ITPR2: variants seen among roughly 807,000 people sequenced by gnomAD.
The protein encoded by ITPR2 is inositol 1,4,5-trisphosphate-gated calcium channel ITPR2.
Under a neutral mutation model 317.1 loss-of-function variants are expected in ITPR2, and 207 were observed. The observed-to-expected ratio is 0.65, with a 90% CI of 0.58 to 0.73. The LOEUF (loss-of-function observed/expected upper bound fraction) is 0.73, where lower values mean the gene tolerates loss of function less well. Among genes scored for constraint, ITPR2 ranks in the 30% least tolerant of loss-of-function variants. The probability of loss-of-function intolerance (pLI) is 0.00; values close to 1 mark genes in which losing one functional copy is unlikely to be tolerated. For synonymous variants in ITPR2, 1,156 were observed against 1,149.1 expected (o/e 1.01, Z -0.12); for missense variants, 2,613 against 3,284.0 (o/e 0.80, Z 4.99).
intron 45 of ITPR2, among the ~76,000 whole-genome samples, chr12:26,457,971 T>C (rs976750194): frequency 6.6e-6 from 1 of 152,030 alleles, no homozygotes; most frequent in Non-Finnish European, 1.5e-5. Flanking sequence ...AAAATAAGAG[T>C]AACCAGGAGC....
intron 51 of ITPR2, among the ~76,000 whole-genome samples, chr12:26,413,188 C>T (rs76654361): frequency 0.04 from 6,069 of 152,314 alleles, 360 homozygotes; most frequent in African/African-American, 0.14. Flanking sequence ...GTGGCAGCTA[C>T]TTCATCTATC....
rs188563140 is a variant in ITPR2 at position 26,537,660 on chromosome 12, A to G, written c.5073+12587T>C. On this transcript the variant is annotated intron_variant, in intron 37 of 56. Transcript: ENST00000381340. ...CCTCATTTAAATTATTTTGTGCCAC[A>G]GACTCATTTTATCAAGCTGCCATGC... Among the ~76,000 whole-genome samples, 188 of 152,314 alleles carry G rather than the reference A, an allele frequency of 1.2e-3. 1 individual carries two copies. The highest frequency in any genetic ancestry group is 4.4e-3 in the African/African-American group (185 of 41,576).
intron 35 of ITPR2, among the ~76,000 whole-genome samples, chr12:26,561,141 C>T (rs1445384110): frequency 6.6e-6 from 1 of 152,160 alleles, no homozygotes; most frequent in African/African-American, 2.4e-5. Context: ...CAGACATGTG[C>T]AAACACAGAG....
intron 45 of ITPR2, among the ~76,000 whole-genome samples, chr12:26,448,405 T>C (rs1313474602): frequency 6.6e-6 from 1 of 152,114 alleles, no homozygotes; most frequent in Admixed American, 6.6e-5. Context: ...AATACTTGTA[T>C]TCCACAACAA....
At chr12:26,379,868 C>T (rs753386828) in intron 55 of ITPR2, among the ~76,000 whole-genome samples, 1 of 152,206 alleles carries the variant, frequency 6.6e-6, no homozygotes, top group African/African-American at 2.4e-5. Flanking sequence ...TTCATATGCT[C>T]AGGTTTGTTC....
intron 37 of ITPR2, among the ~76,000 whole-genome samples, chr12:26,517,775 T>C (rs1447356554): frequency 6.6e-6 from 1 of 152,156 alleles, no homozygotes; most frequent in Non-Finnish European, 1.5e-5. Flanking sequence ...GAGGCAGAGA[T>C]TGCAGTGAGT....
At chr12:26,682,781 A>G (rs1486599089) in intron 11 of ITPR2, 108 bp from the exon 12 acceptor site, 2 of 649,150 alleles carry the variant, frequency 3.1e-6, no homozygotes, top group Non-Finnish European at 5.3e-6. Flanking sequence ...CATATTAACT[A>G]GTAATTGACT....
At chr12:26,732,152 G>A (rs1333769794) in intron 2 of ITPR2, among the ~76,000 whole-genome samples, 3 of 152,112 alleles carry the variant, frequency 2.0e-5, no homozygotes, top group African/African-American at 7.2e-5. Flanking sequence ...CACAACACAT[G>A]GGTTAGCAAC....
At chr12:26,447,920 G>A (rs561488084) in intron 45 of ITPR2, among the ~76,000 whole-genome samples, 14 of 150,876 alleles carry the variant, frequency 9.3e-5, no homozygotes, top group Non-Finnish European at 1.9e-4. Context: ...AAAGATATTC[G>A]ATTGTCTTAG....
At chr12:26,689,936 T>C (rs1332694415) in intron 10 of ITPR2, among the ~76,000 whole-genome samples, 1 of 152,132 alleles carries the variant, frequency 6.6e-6, no homozygotes, top group African/African-American at 2.4e-5. Context: ...TGGGGAGAAA[T>C]AGACCAGGAG....
chr12:26,616,113 A>AATTT (rs34664795), intron 26 of ITPR2, among the ~76,000 whole-genome samples: 52,571 of 150,690 alleles, frequency 0.35, 10,181 homozygotes, highest in African/African-American at 0.53. Flanking sequence ...TGCATGTGGA[A>AATTT]ATTTATTTAT....
chr12:26,358,053 G>A (rs1209407078), intron 55 of ITPR2, among the ~76,000 whole-genome samples: 1 of 152,208 alleles, frequency 6.6e-6, no homozygotes, highest in Non-Finnish European at 1.5e-5. Flanking sequence ...ATATGATCAT[G>A]CAAGGCAGAA....
intron 34 of ITPR2, among the ~76,000 whole-genome samples, chr12:26,562,269 CATAA>C (rs1293740437): frequency 7.9e-5 from 12 of 152,160 alleles, no homozygotes; most frequent in Non-Finnish European, 1.6e-4. Flanking sequence ...CAGATGCCAA[CATAA>C]ATAAGAAAGC....
chr12:26,345,584 G>A (rs1328875350), intron 55 of ITPR2, among the ~76,000 whole-genome samples: 2 of 152,218 alleles, frequency 1.3e-5, no homozygotes, highest in Non-Finnish European at 2.9e-5. Flanking sequence ...AAGCCATGGA[G>A]AAGGGGGATT....
At position 26,600,059 on chromosome 12, in the gene ITPR2, C is replaced by T. The variant is rs768935076; in HGVS notation, c.3729G>A (p.Gln1243=). 1.9e-6 allele frequency: 3 copies of T among 1,606,346 alleles called. No homozygotes were observed. The highest frequency in any genetic ancestry group is 2.6e-6 in the Non-Finnish European group (3 of 1,173,398). ...EVMNLAHTFL[Q]NFCRGNPQNQ... Reference sequence around the variant, plus strand: ...TCTGTGGATTTCCTCGACAGAAATTCTGCAGAAATGTATGGGCTAGATTCA... The same window carrying T: ...TCTGTGGATTTCCTCGACAGAAATTTTGCAGAAATGTATGGGCTAGATTCA... The change falls in exon 29 of 57, where the codon CAG becomes CAA. Residue 1243 remains glutamine, a synonymous_variant. Transcript: ENST00000381340.
Position 26,657,797 on chromosome 12 carries a change from T to C in ITPR2, c.2102A>G (p.Asn701Ser). Reference sequence around the variant, plus strand: ...GATAGCTTTGCCATGAGGTTCCTTGTTGCTGTCAATCCAATAGAGCCAAAC... The same window carrying C: ...GATAGCTTTGCCATGAGGTTCCTTGCTGCTGTCAATCCAATAGAGCCAAAC... The part of the protein sequence containing the change: ...EEVWLYWIDS[N>S]KEPHGKAIRH... Residue 701 changes from asparagine to serine, a missense_variant, in exon 18 of 57, where the codon AAC becomes AGC. This residue lies in a region of ITPR2 where 817 missense variants were observed against 897.6 expected (regional missense o/e 0.91). Transcript: ENST00000381340. 1.9e-6 allele frequency: 3 copies of C among 1,614,188 alleles called. No individual in the cohort carries two copies. The highest frequency in any genetic ancestry group is 2.5e-6 in the Non-Finnish European group (3 of 1,180,024).
At chr12:26,410,400 G>C (rs977472090) in intron 52 of ITPR2, among the ~76,000 whole-genome samples, 4 of 152,062 alleles carry the variant, frequency 2.6e-5, no homozygotes, top group Non-Finnish European at 5.9e-5. Context: ...CAGTAGAAGG[G>C]TCTATTCATT....
chr12:26,595,318 C>A, intron 32 of ITPR2, 147 bp downstream of exon 32: 3 of 734,290 alleles, frequency 4.1e-6, no homozygotes, highest in Non-Finnish European at 6.6e-6. Context: ...ATCTCACTCA[C>A]AATCTTCTGA....
intron 2 of ITPR2, among the ~76,000 whole-genome samples, chr12:26,781,961 T>C (rs1033256177): frequency 1.7e-4 from 25 of 146,162 alleles, no homozygotes; most frequent in African/African-American, 4.1e-4. Flanking sequence ...CTTGTGATCA[T>C]GTGAGTTAAT....
Sources: gnomAD v4.1 joint callset for allele counts (sites outside exome capture counted in the v4.1 genomes callset) on GRCh38, gnomAD v4.1.1 for gene constraint, gnomAD v4.1.1 regional missense constraint, MANE v1.5 for transcripts, NCBI Gene and HGNC (gene_info 2026-07-23, HGNC 2026-07-21) for gene names.